Variants in ASIC2 observed in about 807,000 individuals in gnomAD.
The protein encoded by ASIC2 is acid sensing ion channel subunit 2.
A neutral mutation model predicts 57.3 loss-of-function variants in ASIC2; 25 were observed. The observed-to-expected ratio is 0.44, with a 90% confidence interval of 0.32 to 0.61. The LOEUF (loss-of-function observed/expected upper bound fraction) is 0.61. Among genes scored for constraint, ASIC2 ranks in the 20% least tolerant of loss-of-function variants. The probability of loss-of-function intolerance (pLI) is 0.06; values close to 1 mark genes in which losing one functional copy is unlikely to be tolerated. For synonymous variants in ASIC2, 319 were observed against 307.5 expected, an observed-to-expected ratio of 1.04 and a Z score of -0.39; for missense variants, 641 against 738.1, an observed-to-expected ratio of 0.87 and a Z score of 1.52.
chr17:33,197,260 G>A lies in ASIC2; in HGVS notation c.709-85193C>T, dbSNP rs137911779. 2.5e-3 allele frequency among the ~76,000 whole-genome samples: 386 copies of A among 152,290 alleles called. 3 individuals carry two copies. The highest frequency in any genetic ancestry group is 8.9e-3 in the African/African-American group (371 of 41,556). On this transcript the variant is annotated intron_variant, in intron 1 of 9. Coordinates refer to ENST00000225823, the MANE Select transcript of ASIC2 (RefSeq NM_183377.2). ...TTGTTGAGCAGCAAGATAGCTTAGG[G>A]GGTTTAGCACCTGGACTCTGGAGAT...
At chr17:34,112,778 C>T (rs1911314304) in intron 1 of ASIC2, among the ~76,000 whole-genome samples, 2 of 152,166 alleles carry the variant, frequency 1.3e-5, no homozygotes, top group Non-Finnish European at 2.9e-5. Context: ...ACATTGTAAG[C>T]TCGTGTCTGT....
intron 1 of ASIC2, among the ~76,000 whole-genome samples, chr17:33,509,431 G>A (rs1243830947): frequency 6.6e-6 from 1 of 152,124 alleles, no homozygotes; most frequent in Non-Finnish European, 1.5e-5. Context: ...AAGGCCAATC[G>A]GCTCATCTGC....
At chr17:33,508,482 A>G (rs896958302) in intron 1 of ASIC2, among the ~76,000 whole-genome samples, 21 of 152,152 alleles carry the variant, frequency 1.4e-4, no homozygotes, top group Admixed American at 9.2e-4. Flanking sequence ...CTGCCTGCCT[A>G]GGGAGGGTGG....
At chr17:33,623,266 GTTTGT>G (rs1375874709) in intron 1 of ASIC2, among the ~76,000 whole-genome samples, 1 of 150,510 alleles carries the variant, frequency 6.6e-6, no homozygotes, top group East Asian at 1.9e-4. Flanking sequence ...TTGTTTGTTT[GTTTGT>G]TTGTTTTTGA....
At chr17:34,038,428 C>T (rs1907975335) in intron 1 of ASIC2, 7 of 1,612,156 alleles carry the variant, frequency 4.3e-6, no homozygotes, top group Non-Finnish European at 5.9e-6. Context: ...GGTAATTCTC[C>T]TTTTTCTCAT....
chr17:33,172,686 G>T (rs1905572268), intron 1 of ASIC2, among the ~76,000 whole-genome samples: 1 of 152,212 alleles, frequency 6.6e-6, no homozygotes, highest in Non-Finnish European at 1.5e-5. Context: ...AGCTCTTACA[G>T]TTCAGAGAAC....
intron 1 of ASIC2, among the ~76,000 whole-genome samples, chr17:34,025,089 A>C (rs1287575133): frequency 2.0e-5 from 3 of 152,186 alleles, no homozygotes; most frequent in Admixed American, 1.3e-4. Context: ...AACACTGCTC[A>C]GGGGAAATCT....
intron 1 of ASIC2, among the ~76,000 whole-genome samples, chr17:33,894,436 G>C (rs1915043510): frequency 6.6e-6 from 1 of 151,866 alleles, no homozygotes; most frequent in Middle Eastern, 3.2e-3. Flanking sequence ...TTTCCAAGCA[G>C]AGAACAGATA....
intron 1 of ASIC2, among the ~76,000 whole-genome samples, chr17:33,216,960 AG>A (rs1441373858): frequency 6.6e-6 from 1 of 152,150 alleles, no homozygotes; most frequent in East Asian, 1.9e-4. Context: ...AGGGAGATTT[AG>A]GTGGTAAATC....
intron 1 of ASIC2, among the ~76,000 whole-genome samples, chr17:33,149,712 T>G (rs1312560809): frequency 6.6e-6 from 1 of 152,254 alleles, no homozygotes; most frequent in Non-Finnish European, 1.5e-5. Flanking sequence ...ATTTGCCAAT[T>G]TGTTAAGTAA....
chr17:33,201,909 A>G lies in ASIC2; in HGVS notation c.708+89499T>C, dbSNP rs187772165. Reference sequence around the variant, plus strand: ...TAGCTGGGCATGGTGATGCATGCCCATGGTCCCACCTACTCAGGAGTCTGA... The same window carrying G: ...TAGCTGGGCATGGTGATGCATGCCCGTGGTCCCACCTACTCAGGAGTCTGA... On this transcript the variant is annotated intron_variant, in intron 1 of 9. Coordinates refer to ENST00000225823, the MANE Select transcript of ASIC2 (RefSeq NM_183377.2). 1.8e-3 allele frequency among the ~76,000 whole-genome samples: 275 copies of G among 151,530 alleles called. 2 individuals carry two copies. The highest frequency in any genetic ancestry group is 2.8e-3 in the Admixed American group (42 of 15,174).
At chr17:33,448,913 A>T (rs911645313) in intron 1 of ASIC2, among the ~76,000 whole-genome samples, 1 of 152,204 alleles carries the variant, frequency 6.6e-6, no homozygotes, top group Non-Finnish European at 1.5e-5. Context: ...TAGTCAAAAG[A>T]ACACAGATCA....
At chr17:34,055,081 G>A (rs1397534252) in intron 1 of ASIC2, among the ~76,000 whole-genome samples, 1 of 152,228 alleles carries the variant, frequency 6.6e-6, no homozygotes, top group African/African-American at 2.4e-5. Context: ...AGGACAGGAA[G>A]ACAGGAGGAG....
intron 1 of ASIC2, among the ~76,000 whole-genome samples, chr17:33,142,609 T>C (rs1597600462): frequency 6.6e-6 from 1 of 152,140 alleles, no homozygotes; most frequent in South Asian, 2.1e-4. Context: ...GTGAGGCTGG[T>C]ATGGGGCTCT....
intron 1 of ASIC2, among the ~76,000 whole-genome samples, chr17:33,484,897 T>C (rs1031465407): frequency 2.6e-5 from 4 of 152,198 alleles, no homozygotes; most frequent in African/African-American, 4.8e-5. Flanking sequence ...TAATTAAAAG[T>C]AGATATAAAT....
intron 1 of ASIC2, among the ~76,000 whole-genome samples, chr17:33,988,944 ATTGTT>A (rs1905915227): frequency 1.3e-5 from 2 of 151,996 alleles, no homozygotes; most frequent in Admixed American, 1.3e-4. Context: ...TTTGCCCCAA[ATTGTT>A]CCCTTGCCTG....
intron 1 of ASIC2, among the ~76,000 whole-genome samples, chr17:34,018,524 A>G (rs1266845288): frequency 6.6e-6 from 1 of 152,238 alleles, no homozygotes; most frequent in Admixed American, 6.5e-5. Context: ...TGCCACAGAT[A>G]GTGATTAGTG....
intron 1 of ASIC2, among the ~76,000 whole-genome samples, chr17:33,621,855 C>A (rs1555547904): frequency 1.3e-5 from 2 of 152,062 alleles, no homozygotes; most frequent in African/African-American, 2.4e-5. Context: ...CCACTAAAAT[C>A]TTCTATTTTT....
At chr17:33,934,301 G>A (rs190671399) in intron 1 of ASIC2, among the ~76,000 whole-genome samples, 8 of 152,290 alleles carry the variant, frequency 5.3e-5, no homozygotes, top group South Asian at 4.1e-4. Flanking sequence ...AGTTCGAAAC[G>A]GCCAGCCCGA....
Sources: allele counts gnomAD v4.1 joint callset (sites outside exome capture counted in the v4.1 genomes callset), GRCh38; gene constraint gnomAD v4.1.1; transcripts MANE v1.5; gene names NCBI Gene and HGNC (gene_info 2026-07-23, HGNC 2026-07-21).